GAPVD1: variants seen among roughly 807,000 people sequenced by gnomAD.
GAPVD1 encodes the protein GTPase-activating protein and VPS9 domain-containing protein 1.
GAPVD1 carries 35 observed loss-of-function variants against 155.5 expected under a neutral mutation model. That is an observed-to-expected ratio of 0.23 (90% CI 0.17 to 0.30). The LOEUF (loss-of-function observed/expected upper bound fraction) is 0.30, where lower values mean the gene tolerates loss of function less well. GAPVD1 is among the 10% of genes least tolerant of loss of function. GAPVD1 has a pLI of 1.00. For synonymous variants in GAPVD1, 636 were observed against 619.7 expected, an observed-to-expected ratio of 1.03 and a Z score of -0.39; for missense variants, 1,429 against 1,775.7, an observed-to-expected ratio of 0.80 and a Z score of 3.51.
intron 9 of GAPVD1, among the ~76,000 whole-genome samples, chr9:125,317,175 AG>A (rs1339823272): frequency 6.6e-6 from 1 of 151,892 alleles, no homozygotes; most frequent in African/African-American, 2.4e-5. Flanking sequence ...AAAATTAGCC[AG>A]GCGTGGTGGT....
At chr9:125,266,651 T>A (rs949990496) in intron 1 of GAPVD1, among the ~76,000 whole-genome samples, 2 of 152,168 alleles carry the variant, frequency 1.3e-5, no homozygotes, top group Non-Finnish European at 2.9e-5. Flanking sequence ...CTATACTTTT[T>A]TTTTGAGACT....
rs374652166 is a variant in GAPVD1, at chr9:125,332,058, C to T, written c.2306C>T (p.Ser769Phe). ...RPSTPGLSVV[S>F]GISATSEDIP... ...AGCACACCAGGCCTCAGTGTTGTGT[C>T]CGGTATGTCTGTCTTGTTTTAAGGA... Residue 769 changes from serine (S) to phenylalanine (F), a missense_variant and splice_region_variant, in exon 14 of 28, where the codon TCC becomes TTC. Physicochemically the swap from Ser to Phe is radical, Grantham distance 155. Transcript: ENST00000297933. The T allele has an allele frequency of 1.2e-6, 2 of 1,613,838 alleles. No individual in the cohort carries two copies. The highest frequency in any genetic ancestry group is 2.7e-5 in the African/African-American group (2 of 74,906).
chr9:125,293,850 TTTTATATATATATATATATATA>T (rs1243967818), intron 2 of GAPVD1, among the ~76,000 whole-genome samples: 10 of 42,862 alleles, frequency 2.3e-4, no homozygotes, highest in East Asian at 8.5e-4. Context: ...TAAAAATATA[TTTTATATATATATATATATATA>T]TATATATATA....
intron 2 of GAPVD1, among the ~76,000 whole-genome samples, chr9:125,271,279 G>A (rs1236250810): frequency 1.1e-4 from 16 of 151,894 alleles, no homozygotes; most frequent in Non-Finnish European, 2.9e-5. Flanking sequence ...TTATAATGCC[G>A]GTACACCCAC....
intron 27 of GAPVD1, 145 bp downstream of exon 27, chr9:125,360,870 T>G: frequency 1.5e-6 from 1 of 647,998 alleles, no homozygotes; most frequent in Non-Finnish European, 2.7e-6. Context: ...ATGTCAAGAT[T>G]TGTTCTTTTG....
chr9:125,333,133 C>T (rs1846325915), intron 15 of GAPVD1, among the ~76,000 whole-genome samples: 1 of 151,878 alleles, frequency 6.6e-6, no homozygotes. Context: ...AGTGCTGTGG[C>T]ACGATCTTGG....
intron 11 of GAPVD1, among the ~76,000 whole-genome samples, chr9:125,325,414 C>T (rs1213127947): frequency 3.4e-5 from 5 of 146,836 alleles, no homozygotes; most frequent in East Asian, 4.1e-4. Flanking sequence ...CCCAGCTACT[C>T]GGGAGGCTGA....
chr9:125,350,843 A>G lies in GAPVD1; in HGVS notation c.3540A>G (p.Lys1180=). The G allele has an allele frequency of 6.2e-7, 1 of 1,613,852 alleles. No homozygotes were observed. The highest frequency in any genetic ancestry group is 8.5e-7 in the Non-Finnish European group (1 of 1,179,904). The change falls in exon 23 of 28, where the codon AAA becomes AAG. Residue 1180 remains lysine (K), a synonymous_variant. Transcript: ENST00000297933. ...GTTTTGATAATAGGACTTGTAGGAA[A>G]CTGCTGGCTTCGATTGCTGAGGACT... ...VCRFDNRTCR[K]LLASIAEDYR...
In GAPVD1 at chr9:125,337,555, ATCT is replaced by A; in HGVS notation, c.2844_2846del (p.Ser950del). 2.5e-6 allele frequency: 4 copies of A among 1,614,072 alleles called. No individual in the cohort carries two copies. Among genetic ancestry groups the A allele is most frequent in the Non-Finnish European group, 3.4e-6 (4 of 1,179,976 alleles). ...CTTTGGTGGCTGCACCTCATTCATC[ATCT>A]TCATCCCCGAGTAAGGACTCCTCAA... On this transcript the variant is annotated inframe_deletion, in exon 17 of 28. Transcript: ENST00000297933.
chr9:125,349,329 TA>T (rs1848976806), intron 20 of GAPVD1, 60 bp from the exon 21 acceptor site: 1 of 1,434,546 alleles, frequency 7.0e-7, no homozygotes, highest in Non-Finnish European at 9.8e-7. Context: ...GAATACCTAC[TA>T]GTGCCATAAT....
At chr9:125,314,360 G>A (rs1476865079) in intron 9 of GAPVD1, among the ~76,000 whole-genome samples, 2 of 152,046 alleles carry the variant, frequency 1.3e-5, no homozygotes, top group Non-Finnish European at 2.9e-5. Context: ...TGGCTTAAAG[G>A]TGAATGAAAA....
intron 2 of GAPVD1, among the ~76,000 whole-genome samples, chr9:125,292,745 G>GA (rs1211284126): frequency 6.6e-6 from 1 of 152,156 alleles, no homozygotes; most frequent in Non-Finnish European, 1.5e-5. Context: ...ATGGAGAGGA[G>GA]AAGATCTTCT....
chr9:125,350,223 A>AG, intron 21 of GAPVD1, 72 bp from the exon 22 acceptor site: 1 of 870,226 alleles, frequency 1.1e-6, no homozygotes, highest in Admixed American at 2.5e-5. Flanking sequence ...ACATTAATTT[A>AG]TATAGTAAAT....
At chr9:125,347,748 A>G (rs1288945931) in intron 20 of GAPVD1, among the ~76,000 whole-genome samples, 3 of 152,000 alleles carry the variant, frequency 2.0e-5, no homozygotes, top group Non-Finnish European at 2.9e-5. Flanking sequence ...CATAAATAGT[A>G]TACTGCATAA....
rs143933465 is a variant in GAPVD1, at chr9:125,292,303, G to A, written c.-149-3155G>A. Reference sequence around the variant, plus strand: ...CAAAGCTGTTTAGAGATTTGGTTTTGCAGGATAAAGGATGACCTGGAAGTT... The same window carrying A: ...CAAAGCTGTTTAGAGATTTGGTTTTACAGGATAAAGGATGACCTGGAAGTT... On this transcript the variant is annotated intron_variant, in intron 2 of 27. Transcript: ENST00000297933. Among the ~76,000 whole-genome samples, 260 of 152,118 alleles carry A rather than the reference G, an allele frequency of 1.7e-3. 1 individual carries two copies. Among genetic ancestry groups the A allele is most frequent in the African/African-American group, 5.9e-3 (243 of 41,472 alleles).
At chr9:125,307,096 T>C (rs1841955146) in intron 6 of GAPVD1, among the ~76,000 whole-genome samples, 3 of 151,886 alleles carry the variant, frequency 2.0e-5, no homozygotes, top group Admixed American at 6.6e-5. Flanking sequence ...CAAAACCCCA[T>C]CTCTACTAAA....
chr9:125,343,785 A>T (rs1365233142), intron 19 of GAPVD1, among the ~76,000 whole-genome samples: 1 of 152,074 alleles, frequency 6.6e-6, no homozygotes, highest in Non-Finnish European at 1.5e-5. Flanking sequence ...CTGGAAAGAC[A>T]TTGTCCTTTT....
intron 18 of GAPVD1, 35 bp from the exon 19 acceptor site, chr9:125,342,184 T>TA: frequency 9.6e-7 from 1 of 1,040,544 alleles, no homozygotes; most frequent in South Asian, 1.3e-5. Flanking sequence ...TGCAGTATGT[T>TA]ATATGTCACA....
chr9:125,296,652 C>CAT (rs1839930821), intron 3 of GAPVD1, among the ~76,000 whole-genome samples: 1 of 80,430 alleles, frequency 1.2e-5, no homozygotes, highest in East Asian at 3.3e-4. Context: ...CTGTGCCTGG[C>CAT]CTTTTTTTTT....
Sources: gnomAD v4.1 joint callset for allele counts (sites outside exome capture counted in the v4.1 genomes callset) on GRCh38, gnomAD v4.1.1 for gene constraint, MANE v1.5 for transcripts, NCBI Gene and HGNC (gene_info 2026-07-23, HGNC 2026-07-21) for gene names.